The following SORBS2 variants were observed in gnomAD, a reference collection of about 807,000 sequenced individuals.
SORBS2 encodes the protein sorbin and SH3 domain-containing protein 2.
Under a neutral mutation model 97.7 loss-of-function variants are expected in SORBS2, and 46 were observed. The ratio of observed to expected loss-of-function variants is 0.47; its 90% CI spans 0.37 to 0.60. SORBS2 has a LOEUF of 0.60. Ranked by LOEUF, SORBS2 falls within the 20% of genes least tolerant of loss-of-function variation. SORBS2 has a pLI of 0.00. For synonymous variants in SORBS2, 476 were observed against 473.4 expected (o/e 1.01, Z -0.07); for missense variants, 1,316 against 1,282.3 (o/e 1.03, Z -0.40).
chr4:185,587,969 T>C (rs1274243450), intron 14 of SORBS2: 3 of 342,470 alleles, frequency 8.8e-6, no homozygotes. Context: ...AAGTCAGCCC[T>C]GCTGAGGAGG....
intron 1 of SORBS2, among the ~76,000 whole-genome samples, chr4:185,871,390 A>G (rs989106825): frequency 3.9e-5 from 6 of 152,240 alleles, no homozygotes. Context: ...AAGAGAGCTT[A>G]GGTAACTACA....
intron 1 of SORBS2, among the ~76,000 whole-genome samples, chr4:185,881,706 G>T (rs1384957131): frequency 1.3e-5 from 2 of 152,144 alleles, no homozygotes; most frequent in East Asian, 3.8e-4. Context: ...TGTGAGGATT[G>T]ATTCTTTCTT....
chr4:185,770,425 G>A (rs1311492379), intron 2 of SORBS2, among the ~76,000 whole-genome samples: 2 of 152,138 alleles, frequency 1.3e-5, no homozygotes, highest in Non-Finnish European at 2.9e-5. Flanking sequence ...TCCAATTGTG[G>A]CATCATGTTG....
chr4:185,790,243 A>G (rs1411843070), intron 1 of SORBS2, among the ~76,000 whole-genome samples: 1 of 152,200 alleles, frequency 6.6e-6, no homozygotes, highest in East Asian at 1.9e-4. Context: ...TCACTGCTTC[A>G]GTGGTTATGT....
At chr4:185,818,824 T>C (rs902304609) in intron 1 of SORBS2, among the ~76,000 whole-genome samples, 12 of 118,634 alleles carry the variant, frequency 1.0e-4, no homozygotes, top group African/African-American at 3.6e-4. Context: ...AGACTCTGTC[T>C]CAAAAAAAAA....
At chr4:185,641,256 T>G (rs1299008773) in intron 4 of SORBS2, among the ~76,000 whole-genome samples, 1 of 152,158 alleles carries the variant, frequency 6.6e-6, no homozygotes, top group Non-Finnish European at 1.5e-5. Context: ...AATGGGCAAC[T>G]ATCTAGAATG....
Position 185,908,291 on chromosome 4 carries a change from A to G in SORBS2, c.-338+47905T>C, listed in dbSNP as rs1449078654. ...CCATGCAAAGGCTATATATATATAT[A>G]TATATATATATATATATATATATAT... is the stretch of plus-strand genomic sequence containing the variant. On this transcript the variant is annotated intron_variant, in intron 1 of 20. Transcript: ENST00000284776. 4.6e-4 allele frequency among the ~76,000 whole-genome samples: 31 copies of G among 66,738 alleles called. 2 individuals are homozygous for G. In the East Asian group the frequency reaches 0.014, roughly 29 times the overall value. 43.8% of individuals were successfully genotyped at this position (66,738 alleles called of 152,430 possible).
In SORBS2 at chr4:185,684,586, C is replaced by T. The variant is rs969822929; in HGVS notation, c.-197-5764G>A. On this transcript the variant is annotated intron_variant, in intron 2 of 20. Coordinates refer to the SORBS2 transcript ENST00000284776. The surrounding 1 kb of genome is among the most constrained non-coding windows in gnomAD (Gnocchi z 4.2). Reference sequence around the variant, plus strand: ...AAAAACGTGAATAGTTATTAACACTCGCAGTTACTCAACCTATTTTTGGCA... The same window carrying T: ...AAAAACGTGAATAGTTATTAACACTTGCAGTTACTCAACCTATTTTTGGCA... Among the ~76,000 whole-genome samples, 3 of 152,086 alleles carry T rather than the reference C, an allele frequency of 2.0e-5. No individual in the cohort carries two copies. Among genetic ancestry groups the T allele is most frequent in the South Asian group, 2.1e-4 (1 of 4,830 alleles).
At chr4:185,927,763 A>G (rs1358742549) in intron 1 of SORBS2, among the ~76,000 whole-genome samples, 3 of 152,176 alleles carry the variant, frequency 2.0e-5, no homozygotes, top group Non-Finnish European at 4.4e-5. Context: ...TTTGTCAAAT[A>G]TGTCATCTTT....
At chr4:185,599,483 A>G (rs2096203239) in intron 12 of SORBS2, among the ~76,000 whole-genome samples, 1 of 152,236 alleles carries the variant, frequency 6.6e-6, no homozygotes, top group Admixed American at 6.5e-5. Flanking sequence ...GTATGGGGAC[A>G]AAAGGCAGAC....
intron 1 of SORBS2, among the ~76,000 whole-genome samples, chr4:185,824,704 A>T (rs1321066824): frequency 6.6e-6 from 1 of 152,096 alleles, no homozygotes; most frequent in Non-Finnish European, 1.5e-5. Context: ...TTTTTACTGA[A>T]TTGGCAGAAA....
At chr4:185,776,389 C>T (rs1196867815) in intron 1 of SORBS2, among the ~76,000 whole-genome samples, 2 of 152,154 alleles carry the variant, frequency 1.3e-5, no homozygotes, top group African/African-American at 4.8e-5. Flanking sequence ...TTCAGGCTTC[C>T]ATTGAGTCAT....
chr4:185,752,315 G>C (rs945685740), intron 2 of SORBS2, among the ~76,000 whole-genome samples: 2 of 151,640 alleles, frequency 1.3e-5, no homozygotes, highest in Admixed American at 1.3e-4. Flanking sequence ...TCGCTCTGTC[G>C]CCCAGGCTGG....
At chr4:185,779,951 A>G (rs942706723) in intron 1 of SORBS2, among the ~76,000 whole-genome samples, 1 of 151,740 alleles carries the variant, frequency 6.6e-6, no homozygotes, top group Non-Finnish European at 1.5e-5. Flanking sequence ...TGAACAGGGA[A>G]GTGCTGAAGT....
chr4:185,928,335 C>CT (rs1449244698), intron 1 of SORBS2, among the ~76,000 whole-genome samples: 3 of 152,084 alleles, frequency 2.0e-5, no homozygotes, highest in Non-Finnish European at 4.4e-5. Flanking sequence ...GCCCAGGAGT[C>CT]TGAGGCTGCA....
At chr4:185,605,265 G>A (rs1345448343) in intron 12 of SORBS2, among the ~76,000 whole-genome samples, 1 of 152,010 alleles carries the variant, frequency 6.6e-6, no homozygotes, top group Non-Finnish European at 1.5e-5. Context: ...TAATTCACAG[G>A]GTACATTTGT....
Position 185,666,077 on chromosome 4 carries a change from G to C in SORBS2, c.-45-3835C>G, listed in dbSNP as rs4582192. ...GATGCTGAGCTGGTGCCACTGCCTG[G>C]TGAGAAAGTGGCTCGGTTCAAAGGT... On this transcript the variant is annotated intron_variant, in intron 4 of 20. Coordinates refer to the SORBS2 transcript ENST00000284776. 2.2e-3 allele frequency: 2,795 copies of C among 1,289,808 alleles called. 56 individuals carry two copies. The African/African-American group carries it at 0.038, about 18-fold the overall frequency. The allele number at this position is 1,289,808 out of a possible 1,614,324, so 79.9% of individuals were successfully genotyped here.
chr4:185,707,226 G>C (rs1307825806), intron 2 of SORBS2, among the ~76,000 whole-genome samples: 1 of 152,030 alleles, frequency 6.6e-6, no homozygotes, highest in African/African-American at 2.4e-5. Context: ...GCAAAGAAAC[G>C]CCAAACCACA....
chr4:185,924,290 G>T (rs1388608539), intron 1 of SORBS2, among the ~76,000 whole-genome samples: 1 of 152,196 alleles, frequency 6.6e-6, no homozygotes, highest in Non-Finnish European at 1.5e-5. Context: ...CACAAGGAGG[G>T]AGCCTGCCTT....
Sources: allele counts gnomAD v4.1 joint callset (sites outside exome capture counted in the v4.1 genomes callset), GRCh38; gene constraint gnomAD v4.1.1; non-coding constraint Gnocchi (gnomAD v3.1); transcripts MANE v1.5; gene names NCBI Gene and HGNC (gene_info 2026-07-23, HGNC 2026-07-21).